Variants in CA10 observed in about 807,000 individuals in gnomAD.
The protein encoded by CA10 is carbonic anhydrase-related protein 10.
In CA10, 14 loss-of-function variants were observed where a neutral mutation model predicts 44.2. The observed-to-expected ratio is 0.32, with a 90% CI of 0.21 to 0.50. The LOEUF (loss-of-function observed/expected upper bound fraction) is 0.50. Among genes scored for constraint, CA10 ranks in the 20% least tolerant of loss-of-function variants. The pLI is 0.99. For missense variants in CA10, 350 were observed against 409.7 expected, an observed-to-expected ratio of 0.85 and a Z score of 1.26; for synonymous variants, 159 against 141.6, an observed-to-expected ratio of 1.12 and a Z score of -0.87.
intron 1 of CA10, among the ~76,000 whole-genome samples, chr17:52,084,435 T>A (rs2143185788): frequency 9.6e-6 from 1 of 104,394 alleles, no homozygotes; most frequent in South Asian, 4.3e-4. Flanking sequence ...GCCAGTGAAT[T>A]ATGACCATAT....
chr17:51,676,337 C>A (rs943744023), intron 4 of CA10, among the ~76,000 whole-genome samples: 1 of 152,174 alleles, frequency 6.6e-6, no homozygotes, highest in Non-Finnish European at 1.5e-5. Flanking sequence ...TTCAAGTCAT[C>A]TTTGGGAATC....
At chr17:51,805,470 T>A (rs1357988076) in intron 3 of CA10, among the ~76,000 whole-genome samples, 1 of 152,242 alleles carries the variant, frequency 6.6e-6, no homozygotes, top group South Asian at 2.1e-4. Context: ...GCTGTGGCTA[T>A]ACATCAGAAT....
At chr17:51,912,753 G>T (rs1981840606) in intron 3 of CA10, among the ~76,000 whole-genome samples, 2 of 152,144 alleles carry the variant, frequency 1.3e-5, no homozygotes, top group South Asian at 2.1e-4. Flanking sequence ...ATACCCAAGA[G>T]AACAGCATGT....
chr17:51,980,666 C>T (rs2144086621), intron 2 of CA10, among the ~76,000 whole-genome samples: 1 of 152,118 alleles, frequency 6.6e-6, no homozygotes. Context: ...CAATTGAAGT[C>T]TTTAATCTAT....
At chr17:51,984,676 C>T (rs866625446) in intron 2 of CA10, among the ~76,000 whole-genome samples, 6 of 151,602 alleles carry the variant, frequency 4.0e-5, no homozygotes, top group Middle Eastern at 3.2e-3. Context: ...CAAAACAGTA[C>T]ATATTACAAC....
chr17:51,784,790 T>C (rs1320881051), intron 3 of CA10, among the ~76,000 whole-genome samples: 1 of 152,224 alleles, frequency 6.6e-6, no homozygotes, highest in Non-Finnish European at 1.5e-5. Context: ...GATCCAATTA[T>C]ACTCTTTATT....
At chr17:51,674,485 C>T (rs1470106303) in intron 4 of CA10, among the ~76,000 whole-genome samples, 1 of 152,156 alleles carries the variant, frequency 6.6e-6, no homozygotes, top group Non-Finnish European at 1.5e-5. Context: ...TGATTGCTAT[C>T]TTGCAAGGGG....
intron 3 of CA10, among the ~76,000 whole-genome samples, chr17:51,877,084 G>C (rs1452022328): frequency 6.6e-6 from 1 of 152,220 alleles, no homozygotes; most frequent in Non-Finnish European, 1.5e-5. Context: ...CTTGGCTAGA[G>C]TGAAAGTGGG....
chr17:51,979,963 C>T (rs1260971593), intron 2 of CA10, among the ~76,000 whole-genome samples: 1 of 152,260 alleles, frequency 6.6e-6, no homozygotes, highest in South Asian at 2.1e-4. Flanking sequence ...TGCTTCTTTG[C>T]TATTGTGAAT....
Position 51,876,954 on chromosome 17 carries a change from C to T in CA10, c.279+54036G>A, listed in dbSNP as rs190736331. ...AGTCCCTTGATTTTAAAATCAGGAA[C>T]GACACCGTGGCAAATATTAGTGCAT... is the stretch of plus-strand genomic sequence containing the variant. On this transcript the variant is annotated intron_variant, in intron 3 of 8. Transcript: ENST00000451037. Among the ~76,000 whole-genome samples the T allele has an allele frequency of 7.5e-4, 114 of 152,292 alleles. 1 individual carries two copies. Among genetic ancestry groups the T allele is most frequent in the Middle Eastern group, 6.8e-3 (2 of 294 alleles).
chr17:52,005,254 T>C (rs890317567), intron 2 of CA10, among the ~76,000 whole-genome samples: 1 of 151,924 alleles, frequency 6.6e-6, no homozygotes, highest in Non-Finnish European at 1.5e-5. Context: ...AAATTCTGCT[T>C]CCCAAATAAA....
intron 7 of CA10, among the ~76,000 whole-genome samples, chr17:51,634,328 T>TG (rs1235830967): frequency 2.0e-5 from 3 of 152,186 alleles, no homozygotes; most frequent in Non-Finnish European, 4.4e-5. Context: ...TAAGCTTAAG[T>TG]GGGGAGTTAC....
intron 1 of CA10, among the ~76,000 whole-genome samples, chr17:52,139,808 T>C (rs758790226): frequency 6.6e-6 from 1 of 152,082 alleles, no homozygotes; most frequent in Non-Finnish European, 1.5e-5. Flanking sequence ...AAGTCCCTCA[T>C]AGGGTTAGAG....
At chr17:52,046,964 C>T (rs959104510) in intron 2 of CA10, among the ~76,000 whole-genome samples, 2 of 151,908 alleles carry the variant, frequency 1.3e-5, no homozygotes, top group African/African-American at 2.4e-5. Context: ...GCAGCAATTC[C>T]TCTCCTAGGT....
chr17:51,712,688 C>G (rs2143495823), intron 4 of CA10, among the ~76,000 whole-genome samples: 1 of 152,320 alleles, frequency 6.6e-6, no homozygotes, highest in African/African-American at 2.4e-5. Flanking sequence ...ATTGTTTTAT[C>G]TCCCAATATA....
At chr17:51,802,581 A>C (rs1459909231) in intron 3 of CA10, among the ~76,000 whole-genome samples, 1 of 151,604 alleles carries the variant, frequency 6.6e-6, no homozygotes, top group Non-Finnish European at 1.5e-5. Context: ...AAAAAAAAAA[A>C]AAAAAAACAA....
chr17:51,645,784 C>G (rs1320562106), intron 6 of CA10, among the ~76,000 whole-genome samples: 1 of 152,224 alleles, frequency 6.6e-6, no homozygotes, highest in Non-Finnish European at 1.5e-5. Flanking sequence ...TGGATACTTG[C>G]TCTTCTACTA....
chr17:51,767,638 G>A (rs1905436970), intron 3 of CA10, among the ~76,000 whole-genome samples: 1 of 151,940 alleles, frequency 6.6e-6, no homozygotes, highest in Non-Finnish European at 1.5e-5. Context: ...CATTTATTGT[G>A]CACTTTATTT....
At chr17:51,966,815 A>C (rs545724026) in intron 2 of CA10, among the ~76,000 whole-genome samples, 2 of 151,998 alleles carry the variant, frequency 1.3e-5, no homozygotes, top group African/African-American at 2.4e-5. Flanking sequence ...GACAGAATTT[A>C]TGAATAAGTC....
Sources: gnomAD v4.1 joint callset for allele counts (sites outside exome capture counted in the v4.1 genomes callset) on GRCh38, gnomAD v4.1.1 for gene constraint, MANE v1.5 for transcripts, NCBI Gene and HGNC (gene_info 2026-07-23, HGNC 2026-07-21) for gene names.